MOK: variants seen among roughly 807,000 people sequenced by gnomAD.
MOK encodes MOK protein kinase, also known as MAPK/MAK/MRK overlapping kinase.
Under a neutral mutation model 54.2 loss-of-function variants are expected in MOK, and 59 were observed. The ratio of observed to expected loss-of-function variants is 1.09; its 90% CI spans 0.88 to 1.35. The LOEUF (loss-of-function observed/expected upper bound fraction) is 1.35, where lower values mean the gene tolerates loss of function less well. MOK is among the 40% of genes most tolerant of loss of function. The pLI is 0.00. For synonymous variants in MOK, 210 were observed against 202.7 expected (o/e 1.04, Z -0.31); for missense variants, 517 against 526.2 (o/e 0.98, Z 0.17).
rs1317703501 is a variant in MOK at position 102,231,139 on chromosome 14, G to T, written c.981+568C>A. On this transcript the variant is annotated intron_variant, in intron 10 of 11. Coordinates refer to ENST00000361847, the MANE Select transcript of MOK (RefSeq NM_014226.3). This position sits in a 1 kb window ranked among gnomAD's most constrained non-coding sequence, Gnocchi z 4.4. ...TGTGACCCTGCCAGCAGGTGACACA[G>T]GGCTGCACCAGGCTAGGATGCCACA... 6.6e-6 allele frequency: 1 copy of T among 152,466 alleles called. No individual in the cohort carries two copies. Among genetic ancestry groups the T allele is most frequent in the Admixed American group, 6.5e-5 (1 of 15,300 alleles). The allele number at this position is 152,466 out of a possible 1,614,324, so 9.4% of individuals were successfully genotyped here. A position where few individuals can be genotyped will look rare whatever the true frequency, so the allele number is the denominator to read the frequency against.
chr14:102,304,862 C>G (rs2072611077), intron 1 of MOK, 100 bp downstream of exon 1: 1 of 1,378,662 alleles, frequency 7.3e-7, no homozygotes, highest in African/African-American at 1.4e-5. Context: ...GGCGACGACG[C>G]CCGGCCCCAC....
chr14:102,265,450 G>T (rs963010191), intron 3 of MOK, among the ~76,000 whole-genome samples: 9 of 152,100 alleles, frequency 5.9e-5, no homozygotes, highest in Admixed American at 3.9e-4. Flanking sequence ...TGGCCAACAT[G>T]GTGAAACCCC....
chr14:102,270,845 G>A (rs965025535), intron 2 of MOK, among the ~76,000 whole-genome samples: 1 of 152,102 alleles, frequency 6.6e-6, no homozygotes, highest in African/African-American at 2.4e-5. Context: ...CAGTTGCACA[G>A]CCGTATAAAT....
chr14:102,289,264 G>A (rs765546606), intron 1 of MOK, among the ~76,000 whole-genome samples: 1 of 151,938 alleles, frequency 6.6e-6, no homozygotes, highest in Non-Finnish European at 1.5e-5. Context: ...AAAAAAAACA[G>A]AGTTAGGAAT....
At chr14:102,252,347 T>C (rs1405921394) in intron 4 of MOK, among the ~76,000 whole-genome samples, 1 of 151,566 alleles carries the variant, frequency 6.6e-6, no homozygotes, top group Non-Finnish European at 1.5e-5. Context: ...CTCAGCTACT[T>C]GGGAGGCTGA....
chr14:102,242,734 A>G (rs1463781914), intron 7 of MOK, among the ~76,000 whole-genome samples: 20 of 152,144 alleles, frequency 1.3e-4, no homozygotes. Flanking sequence ...CAAGTCTTAC[A>G]AGTTAGTTCA....
downstream of MOK, among the ~76,000 whole-genome samples, chr14:102,220,849 C>T (rs1395319327): frequency 6.6e-6 from 1 of 152,042 alleles, no homozygotes; most frequent in Non-Finnish European, 1.5e-5. This position sits in a 1 kb window ranked among gnomAD's most constrained non-coding sequence, Gnocchi z 4.2. Flanking sequence ...GCTCATTGCA[C>T]CCTGCATCTC....
At chr14:102,281,614 T>C (rs1204938624) in intron 2 of MOK, among the ~76,000 whole-genome samples, 1 of 152,046 alleles carries the variant, frequency 6.6e-6, no homozygotes, top group Non-Finnish European at 1.5e-5. Flanking sequence ...TTGTGTTTTT[T>C]TTTTAATTTT....
At chr14:102,242,350 C>T (rs895564185) in intron 7 of MOK, among the ~76,000 whole-genome samples, 2 of 152,178 alleles carry the variant, frequency 1.3e-5, no homozygotes, top group Non-Finnish European at 2.9e-5. Context: ...TAGTTATCCT[C>T]ACCTGCCCAG....
In MOK at chr14:102,235,216, G is replaced by A. The variant is rs77024025; in HGVS notation, c.591-1427C>T. On this transcript the variant is annotated intron_variant, in intron 7 of 11. Coordinates refer to ENST00000361847, the MANE Select transcript of MOK (RefSeq NM_014226.3). The surrounding 1 kb of genome is among the most constrained non-coding windows in gnomAD (Gnocchi z 4.4). ...AGCCTGCTCCCTTGCTTCTTCTCCGGGAAGTGGCATGGGCCGAAGGGATGG... is the reference window on the plus strand; with the variant it reads ...AGCCTGCTCCCTTGCTTCTTCTCCGAGAAGTGGCATGGGCCGAAGGGATGG... The A allele has an allele frequency of 0.061, 9,272 of 152,344 alleles. 313 individuals carry two copies. Among genetic ancestry groups the A allele is most frequent in the South Asian group, 0.11 (555 of 4,828 alleles). 9.4% of individuals were successfully genotyped at this position (152,344 alleles called of 1,614,324 possible). A position where few individuals can be genotyped will look rare whatever the true frequency, so the allele number is the denominator to read the frequency against.
chr14:102,272,249 G>C (rs2068433935), intron 2 of MOK, among the ~76,000 whole-genome samples: 1 of 152,204 alleles, frequency 6.6e-6, no homozygotes, highest in East Asian at 1.9e-4. Flanking sequence ...AGTGCTTTGG[G>C]AGGCCAAGTC....
intron 4 of MOK, among the ~76,000 whole-genome samples, chr14:102,258,958 C>T (rs925574759): frequency 3.4e-4 from 52 of 151,306 alleles, no homozygotes; most frequent in Admixed American, 3.4e-3. Context: ...CCCAGCTACT[C>T]GGGAGGCTAA....
intron 2 of MOK, among the ~76,000 whole-genome samples, chr14:102,268,910 G>A (rs1451364783): frequency 3.1e-5 from 4 of 128,642 alleles, no homozygotes; most frequent in African/African-American, 1.4e-4. Context: ...GTGAGACTCC[G>A]TCTCAAAAAA....
At position 102,231,962 on chromosome 14, in the gene MOK, C is replaced by CT. The variant is rs778554645; in HGVS notation, c.867-142dup. 708 of 588,008 alleles carry CT rather than the reference C, an allele frequency of 1.2e-3. No individual in the cohort carries two copies. Among genetic ancestry groups the CT allele is most frequent in the Middle Eastern group, 2.4e-3 (5 of 2,086 alleles). 36.4% of individuals were successfully genotyped at this position (588,008 alleles called of 1,614,324 possible). On this transcript the variant is annotated intron_variant, in intron 9 of 11. Transcript: ENST00000361847. The surrounding 1 kb of genome is among the most constrained non-coding windows in gnomAD (Gnocchi z 4.4). ...TTCTGCCTGAGCTGTAATCAGGAGC[C>CT]TTTTTTTTTCTTTTCTGTCTCAGCC...
At chr14:102,222,173 G>A (rs926405051), downstream of MOK, among the ~76,000 whole-genome samples, 1 of 151,680 alleles carries the variant, frequency 6.6e-6, no homozygotes, top group African/African-American at 2.4e-5. This position sits in a 1 kb window ranked among gnomAD's most constrained non-coding sequence, Gnocchi z 4.4. Context: ...TGGCCCTGGT[G>A]GGTTGGCCCC....
At chr14:102,277,736 G>C (rs2069011447) in intron 2 of MOK, among the ~76,000 whole-genome samples, 1 of 152,202 alleles carries the variant, frequency 6.6e-6, no homozygotes, top group Non-Finnish European at 1.5e-5. Flanking sequence ...TGGGATGGCA[G>C]TGGGAAACTG....
downstream of MOK, among the ~76,000 whole-genome samples, chr14:102,219,749 G>T (rs549611143): frequency 1.6e-4 from 25 of 152,372 alleles, no homozygotes; most frequent in South Asian, 5.2e-3. Context: ...GCATGGCGAT[G>T]CATTCTAAAA....
chr14:102,303,159 C>CAA (rs567829813), intron 1 of MOK, among the ~76,000 whole-genome samples: 1 of 129,054 alleles, frequency 7.7e-6, no homozygotes, highest in African/African-American at 2.9e-5. Context: ...AGACCCTGTC[C>CAA]AAAAAAAAAA....
intron 6 of MOK, chr14:102,251,483 A>G: frequency 1.9e-6 from 1 of 524,276 alleles, no homozygotes. Context: ...TCCCTCTAGA[A>G]GGTTTGAACG....
Sources: allele counts gnomAD v4.1 joint callset (sites outside exome capture counted in the v4.1 genomes callset), GRCh38; gene constraint gnomAD v4.1.1; non-coding constraint Gnocchi (gnomAD v3.1); transcripts MANE v1.5; gene names NCBI Gene and HGNC (gene_info 2026-07-23, HGNC 2026-07-21).